The following SNX25 variants were observed in gnomAD, a reference collection of about 807,000 sequenced individuals.
The protein encoded by SNX25 is sorting nexin 25.
A neutral mutation model predicts 113.7 loss-of-function variants in SNX25; 62 were observed. That is an observed-to-expected ratio of 0.55 (90% CI 0.44 to 0.67). SNX25 has a LOEUF of 0.67. Among genes scored for constraint, SNX25 ranks in the 30% least tolerant of loss-of-function variants. The pLI, the probability that SNX25 is intolerant of heterozygous loss-of-function variation, is 0.00. For missense variants in SNX25, 1,014 were observed against 1,161.0 expected, an observed-to-expected ratio of 0.87 and a Z score of 1.84; for synonymous variants, 421 against 436.2, an observed-to-expected ratio of 0.97 and a Z score of 0.43.
At chr4:185,283,897 T>C (rs964347609) in intron 5 of SNX25, among the ~76,000 whole-genome samples, 4 of 152,240 alleles carry the variant, frequency 2.6e-5, no homozygotes, top group Non-Finnish European at 4.4e-5. Flanking sequence ...AAAAAATCTT[T>C]AACTCTTTAG....
intron 4 of SNX25, among the ~76,000 whole-genome samples, chr4:185,266,516 A>G (rs1427873698): frequency 1.3e-5 from 2 of 152,088 alleles, no homozygotes; most frequent in African/African-American, 4.8e-5. Flanking sequence ...ATGTGCCACC[A>G]TGCATGGCTA....
intron 6 of SNX25, among the ~76,000 whole-genome samples, chr4:185,294,221 G>C (rs1752558660): frequency 6.6e-6 from 1 of 152,156 alleles, no homozygotes; most frequent in Admixed American, 6.6e-5. Context: ...TGCTCAGCGA[G>C]GTCATCCCTT....
At chr4:185,243,222 C>A (rs1441875285) in intron 1 of SNX25, among the ~76,000 whole-genome samples, 3 of 152,150 alleles carry the variant, frequency 2.0e-5, no homozygotes, top group Non-Finnish European at 4.4e-5. Flanking sequence ...CTGTCTGAAC[C>A]ATTTTTGAGT....
intron 1 of SNX25, among the ~76,000 whole-genome samples, chr4:185,213,157 T>C (rs921739427): frequency 1.3e-5 from 2 of 152,252 alleles, no homozygotes; most frequent in African/African-American, 4.8e-5. Flanking sequence ...TGACACCTTT[T>C]GTTATCACTT....
At chr4:185,248,817 T>C (rs1411740832) in intron 2 of SNX25, among the ~76,000 whole-genome samples, 1 of 152,104 alleles carries the variant, frequency 6.6e-6, no homozygotes, top group African/African-American at 2.4e-5. Flanking sequence ...TTCTAGAAAA[T>C]CTGCCTCATG....
intron 1 of SNX25, among the ~76,000 whole-genome samples, chr4:185,240,724 G>C (rs1373378230): frequency 6.6e-6 from 1 of 151,888 alleles, no homozygotes; most frequent in Non-Finnish European, 1.5e-5. Flanking sequence ...TCCCAGACGG[G>C]GTGGCTGCCG....
At chr4:185,350,730 T>C (rs6811567) in intron 13 of SNX25, among the ~76,000 whole-genome samples, 63,927 of 151,908 alleles carry the variant, frequency 0.42, 15,910 homozygotes, top group African/African-American at 0.71. Context: ...GTCATGATGG[T>C]GTGCACCTGT....
intron 9 of SNX25, among the ~76,000 whole-genome samples, chr4:185,324,527 GT>G (rs2095142456): frequency 6.6e-6 from 1 of 151,828 alleles, no homozygotes; most frequent in African/African-American, 2.4e-5. Context: ...AGGTTGGAAT[GT>G]CTCCGATCAG....
At chr4:185,240,181 T>C (rs77247433) in intron 1 of SNX25, among the ~76,000 whole-genome samples, 6,928 of 151,118 alleles carry the variant, frequency 0.046, 240 homozygotes, top group African/African-American at 0.086. Context: ...TACACAGACA[T>C]GGCAACCATC....
the SNX25 span, chr4:185,378,238 A>C: frequency 1.9e-6 from 3 of 1,603,524 alleles, no homozygotes; most frequent in South Asian, 3.4e-5. Context: ...TAAGTGGTAG[A>C]AATTTCTTCC....
chr4:185,346,139 G>A (rs1285482211), intron 12 of SNX25, among the ~76,000 whole-genome samples: 4 of 152,200 alleles, frequency 2.6e-5, no homozygotes, highest in Admixed American at 1.3e-4. Flanking sequence ...GATTACAGGC[G>A]TGAGCCACCA....
intron 6 of SNX25, among the ~76,000 whole-genome samples, chr4:185,289,392 GT>G (rs1751834071): frequency 6.6e-6 from 1 of 152,172 alleles, no homozygotes; most frequent in South Asian, 2.1e-4. Flanking sequence ...CATTCAGTTA[GT>G]TGGGGAAGAC....
intron 2 of SNX25, among the ~76,000 whole-genome samples, chr4:185,256,651 G>A (rs565888094): frequency 6.9e-6 from 1 of 144,486 alleles, no homozygotes; most frequent in South Asian, 2.2e-4. Flanking sequence ...TTTGAGTCAG[G>A]GTTTTGCTTG....
chr4:185,215,810 T>G (rs1738718025), intron 1 of SNX25, among the ~76,000 whole-genome samples: 1 of 151,422 alleles, frequency 6.6e-6, no homozygotes, highest in African/African-American at 2.4e-5. Context: ...TTTTTTTTGA[T>G]ACAGGATCTG....
chr4:185,273,669 A>G (rs368723967), intron 5 of SNX25, among the ~76,000 whole-genome samples: 1 of 151,796 alleles, frequency 6.6e-6, no homozygotes, highest in Non-Finnish European at 1.5e-5. Context: ...GCATCTTCCA[A>G]TCTCCCTCCC....
Position 185,357,740 on chromosome 4 carries a change from G to C in SNX25, c.2651+3G>C. 1 of 1,612,402 alleles carries C rather than the reference G, an allele frequency of 6.2e-7. No homozygotes were observed. Among genetic ancestry groups the C allele is most frequent in the Non-Finnish European group, 8.5e-7 (1 of 1,178,536 alleles). ...ACTTTTGGAAGAACCATCAACAAGTGAGTTGTATGAAATTAATATTTGGAT... is the reference window on the plus strand; with the variant it reads ...ACTTTTGGAAGAACCATCAACAAGTCAGTTGTATGAAATTAATATTTGGAT... On this transcript the variant is annotated splice_donor_region_variant and intron_variant, in intron 16 of 18. Coordinates refer to ENST00000652585, the MANE Select transcript of SNX25 (RefSeq NM_001378034.2).
chr4:185,302,365 C>G (rs1422439800), intron 6 of SNX25, among the ~76,000 whole-genome samples: 1 of 152,136 alleles, frequency 6.6e-6, no homozygotes, highest in Non-Finnish European at 1.5e-5. Flanking sequence ...CCTAGACTTG[C>G]AACTAGTGTC....
intron 7 of SNX25, among the ~76,000 whole-genome samples, chr4:185,315,103 C>T (rs2095061700): frequency 6.6e-6 from 1 of 150,698 alleles, no homozygotes; most frequent in Admixed American, 6.6e-5. Flanking sequence ...TGGTGGGCGC[C>T]TGTAGTCCCA....
intron 13 of SNX25, among the ~76,000 whole-genome samples, 182 bp downstream of exon 13, chr4:185,346,832 G>A (rs749933084): frequency 2.0e-5 from 3 of 152,104 alleles, no homozygotes; most frequent in African/African-American, 7.2e-5. Flanking sequence ...ACACGTAAGT[G>A]TATAACTGTC....
Sources: allele counts gnomAD v4.1 joint callset (sites outside exome capture counted in the v4.1 genomes callset), GRCh38; gene constraint gnomAD v4.1.1; transcripts MANE v1.5; gene names NCBI Gene and HGNC (gene_info 2026-07-23, HGNC 2026-07-21).